RBM15: variants seen among roughly 807,000 people sequenced by gnomAD.
RBM15 encodes the protein RNA-binding protein 15.
Under a neutral mutation model 62.6 loss-of-function variants are expected in RBM15, and 8 were observed. That is an observed-to-expected ratio of 0.13 (90% CI 0.07 to 0.23). RBM15 has a LOEUF of 0.23. Ranked by LOEUF, RBM15 falls within the 10% of genes least tolerant of loss-of-function variation. The pLI is 1.00. For synonymous variants in RBM15, 606 were observed against 505.7 expected, an observed-to-expected ratio of 1.20 and a Z score of -2.66; for missense variants, 1,144 against 1,286.5, an observed-to-expected ratio of 0.89 and a Z score of 1.69.
intron 1 of RBM15, among the ~76,000 whole-genome samples, chr1:110,343,356 C>T (rs1660839446): frequency 6.6e-6 from 1 of 152,140 alleles, no homozygotes; most frequent in African/African-American, 2.4e-5. Context: ...AGTGACATTA[C>T]ATTATTGAAA....
In RBM15 at chr1:110,339,916, A is replaced by G; in HGVS notation, c.511A>G (p.Thr171Ala). ...PGGGDGAEYK[T>A]LKISELGSQL... Reference sequence around the variant, plus strand: ...CGGCGGGGACGGCGCGGAATACAAGACTCTGAAGATAAGCGAGTTGGGGTC... The same window carrying G: ...CGGCGGGGACGGCGCGGAATACAAGGCTCTGAAGATAAGCGAGTTGGGGTC... Residue 171 changes from threonine (T) to alanine (A), a missense_variant, in exon 1 of 3, where the codon ACT (threonine) becomes GCT (alanine). Thr to Ala is a moderately conservative substitution (Grantham distance 58, BLOSUM62 0). Around this residue, in one of 8 missense-constraint regions of RBM15, gnomAD observed 298 missense variants for 250.0 expected, o/e 1.19. Coordinates refer to ENST00000369784, the MANE Select transcript of RBM15 (RefSeq NM_022768.5). 3.7e-6 allele frequency: 6 copies of G among 1,613,258 alleles called. No homozygotes were observed. Among genetic ancestry groups the G allele is most frequent in the Non-Finnish European group, 5.1e-6 (6 of 1,179,358 alleles).
At chr1:110,342,549 A>AT (rs373407338) in intron 1 of RBM15, 7 of 376,396 alleles carry the variant, frequency 1.9e-5, no homozygotes, top group South Asian at 1.4e-4. Context: ...CTTATGAGTA[A>AT]TTTTTTTTCT....
At chr1:110,346,223 T>C in intron 2 of RBM15, 85 bp from the exon 3 acceptor site, 1 of 1,389,514 alleles carries the variant, frequency 7.2e-7, no homozygotes, top group Non-Finnish European at 1.0e-6. Context: ...GTTATGTTCA[T>C]CTATAATGGC....
intron 1 of RBM15, 199 bp downstream of exon 1, chr1:110,342,467 A>G: frequency 2.2e-6 from 1 of 454,168 alleles, no homozygotes; most frequent in East Asian, 3.4e-5. Context: ...TTTAGCTATT[A>G]TTTTAAGTGA....
intron 1 of RBM15, 47 bp from the exon 2 acceptor site, chr1:110,345,492 A>G (rs772815214): frequency 7.2e-7 from 1 of 1,385,966 alleles, no homozygotes; most frequent in South Asian, 1.2e-5. Flanking sequence ...TGTGAAAAAA[A>G]TTTTGGAGAG....
chr1:110,341,560 C>T lies in RBM15; in HGVS notation c.2155C>T (p.Arg719Cys), dbSNP rs144393499. The change falls in exon 1 of 3, where the codon CGT (arginine) becomes TGT (cysteine). Residue 719 changes from arginine (R) to cysteine (C), a missense_variant. Physicochemically the swap from Arg to Cys is radical, Grantham distance 180. Coordinates refer to ENST00000369784, the MANE Select transcript of RBM15 (RefSeq NM_022768.5). This position sits in a 1 kb window ranked among gnomAD's most constrained non-coding sequence, Gnocchi z 4.5. Reference sequence around the variant, plus strand: ...GAAGAGCCAGGGTGACAAGCGAGACCGTAAAAACTCTGCATCAGCTGAACG... The same window carrying T: ...GAAGAGCCAGGGTGACAAGCGAGACTGTAAAAACTCTGCATCAGCTGAACG... ...LEKSQGDKRD[R>C]KNSASAERDR... 9.3e-6 allele frequency: 15 copies of T among 1,613,910 alleles called. No homozygotes were observed. The highest frequency in any genetic ancestry group is 2.7e-5 in the African/African-American group (2 of 74,908).
chr1:110,343,718 T>C (rs1437009398), intron 1 of RBM15, among the ~76,000 whole-genome samples: 1 of 152,184 alleles, frequency 6.6e-6, no homozygotes, highest in Non-Finnish European at 1.5e-5. Context: ...TTAATTATGA[T>C]TAGAGACTTT....
In RBM15 at chr1:110,346,401, G is replaced by C. The variant is rs777767953; in HGVS notation, c.*134G>C. ...TGTGGCTTATGTGGAGTTTACATGG[G>C]CCTCTGATGGAAGAAAGCTAATCTG... On this transcript the variant is annotated 3_prime_UTR_variant, in exon 3 of 3. Coordinates refer to ENST00000369784, the MANE Select transcript of RBM15 (RefSeq NM_022768.5). The C allele has an allele frequency of 6.6e-7, 1 of 1,524,104 alleles. No individual in the cohort carries two copies. Among genetic ancestry groups the C allele is most frequent in the South Asian group, 1.1e-5 (1 of 88,950 alleles). The allele number at this position is 1,524,104 out of a possible 1,614,324, so 94.4% of individuals were successfully genotyped here.
Position 110,341,024 on chromosome 1 carries a change from C to T in RBM15, c.1619C>T (p.Pro540Leu). ...CGTTACCAGCAGCAGTATCTGCAGCCTCTGCCCTTGACTCATTATGAGCTG... is the reference window on the plus strand; with the variant it reads ...CGTTACCAGCAGCAGTATCTGCAGCTTCTGCCCTTGACTCATTATGAGCTG... ...EHRYQQQYLQ[P>L]LPLTHYELVT... Residue 540 changes from proline (P) to leucine (L), a missense_variant, in exon 1 of 3, where the codon CCT becomes CTT. By Grantham distance (98) the Pro-to-Leu change is moderately conservative. Around this residue, in one of 8 missense-constraint regions of RBM15, gnomAD observed 360 missense variants for 342.9 expected, o/e 1.05. Transcript: ENST00000369784. The surrounding 1 kb of genome is among the most constrained non-coding windows in gnomAD (Gnocchi z 4.5). 1 of 1,614,236 alleles carries T rather than the reference C, an allele frequency of 6.2e-7. No individual in the cohort carries two copies. Among genetic ancestry groups the T allele is most frequent in the Non-Finnish European group, 8.5e-7 (1 of 1,180,042 alleles).
chr1:110,340,038 C>A lies in RBM15; in HGVS notation c.633C>A (p.Gly211=). Residue 211 remains glycine, a synonymous_variant, in exon 1 of 3, where the codon GGC becomes GGA. Coordinates refer to ENST00000369784, the MANE Select transcript of RBM15 (RefSeq NM_022768.5). The surrounding 1 kb of genome is among the most constrained non-coding windows in gnomAD (Gnocchi z 5.8). The part of the protein sequence containing the change: ...SVKISHLSGS[G]SGDERVAFVN... ...AAATCAGTCATCTGTCGGGTTCTGG[C>A]AGCGGGGATGAGCGGGTAGCCTTTG... 1 of 1,614,086 alleles carries A rather than the reference C, an allele frequency of 6.2e-7. No homozygotes were observed.
Position 110,345,573 on chromosome 1 carries a change from C to G in RBM15, c.2898C>G (p.Asn966Lys). The change falls in exon 2 of 3, where the codon AAC becomes AAG. Residue 966 changes from asparagine to lysine, a missense_variant. Physicochemically the swap from Asn to Lys is moderately conservative, Grantham distance 94 (BLOSUM62 0). Around this residue, in one of 8 missense-constraint regions of RBM15, gnomAD observed 144 missense variants for 223.3 expected, o/e 0.64. Transcript: ENST00000369784. ...TTCAGATAGGAGTTAGGTATGAGAA[C>G]AAGAAGAGAGAAAACTTGGCGCTGA... ...FGFQIGVRYENKKRENLALTL... is the reference protein window; with the variant it reads ...FGFQIGVRYEKKKRENLALTL... 6 of 1,611,442 alleles carry G rather than the reference C, an allele frequency of 3.7e-6. No individual in the cohort carries two copies. Among genetic ancestry groups the G allele is most frequent in the Non-Finnish European group, 5.1e-6 (6 of 1,178,814 alleles).
In RBM15 at chr1:110,341,490, C is replaced by T. The variant is rs2101141831; in HGVS notation, c.2085C>T (p.Leu695=). ...ACAATGATCGATCTTCCCGTCTTCTCTTGGAAAGGCCCTCTCCAATCAGAG... is the reference window on the plus strand; with the variant it reads ...ACAATGATCGATCTTCCCGTCTTCTTTTGGAAAGGCCCTCTCCAATCAGAG... ...NSDNDRSSRL[L]LERPSPIRDR... is the part of the protein sequence containing the mutation. The change falls in exon 1 of 3, where the codon CTC becomes CTT. Residue 695 remains leucine, a synonymous_variant. Coordinates refer to ENST00000369784, the MANE Select transcript of RBM15 (RefSeq NM_022768.5). The surrounding 1 kb of genome is among the most constrained non-coding windows in gnomAD (Gnocchi z 4.5). The T allele has an allele frequency of 6.2e-7, 1 of 1,614,112 alleles. No individual in the cohort carries two copies. The highest frequency in any genetic ancestry group is 1.1e-5 in the South Asian group (1 of 91,086).
rs767492348 is a variant in RBM15 at position 110,339,681 on chromosome 1, T to G, written c.276T>G (p.Gly92=). ...GCAGCGGAAAGACCGATAGCGGCGG[T>G]GGGTCGCGGCGGAGTCTCCACCTGG... is the stretch of plus-strand genomic sequence containing the variant. The part of the protein sequence containing the change: ...GSSSGKTDSG[G]GSRRSLHLDK... Residue 92 remains glycine (G), a synonymous_variant, in exon 1 of 3, where the codon GGT becomes GGG. Coordinates refer to ENST00000369784, the MANE Select transcript of RBM15 (RefSeq NM_022768.5). The G allele has an allele frequency of 6.2e-6, 10 of 1,612,776 alleles. No homozygotes were observed. The highest frequency in any genetic ancestry group is 1.1e-5 in the South Asian group (1 of 91,060).
chr1:110,339,614 G>A lies in RBM15; in HGVS notation c.209G>A (p.Arg70Gln). The A allele has an allele frequency of 5.6e-6, 9 of 1,611,080 alleles. No individual in the cohort carries two copies. The highest frequency in any genetic ancestry group is 6.8e-6 in the Non-Finnish European group (8 of 1,178,006). ...GGEDSTSRGE[R>Q]SKKLGGSGGS... The stretch of plus-strand genomic sequence containing the variant: ...GAGGACTCGACTTCCCGCGGTGAGC[G>A]GAGCAAGAAGTTAGGGGGCTCTGGT... The change falls in exon 1 of 3, where the codon CGG (arginine) becomes CAG (glutamine). Residue 70 changes from arginine (R) to glutamine (Q), a missense_variant. Physicochemically the swap from Arg to Gln is conservative, Grantham distance 43. Transcript: ENST00000369784.
In RBM15 at chr1:110,342,276, C is replaced by A; in HGVS notation, c.2863+8C>A. 1.3e-6 allele frequency: 2 copies of A among 1,552,910 alleles called. No homozygotes were observed. Among genetic ancestry groups the A allele is most frequent in the South Asian group, 1.2e-5 (1 of 82,108 alleles). ...TCATGATCATTGTCCGTGGTGCGTC[C>A]TAAAGTCCATGTGTAACTTGTATTT... On this transcript the variant is annotated splice_region_variant and intron_variant, in intron 1 of 2. Transcript: ENST00000369784.
In RBM15 at chr1:110,345,550, C is replaced by T. The variant is rs200031526; in HGVS notation, c.2875C>T (p.Gln959Ter). ...TGTCTCTCTCACAGGGTTTGGTTTTCAGATAGGAGTTAGGTATGAGAACAA... is the reference window on the plus strand; with the variant it reads ...TGTCTCTCTCACAGGGTTTGGTTTTTAGATAGGAGTTAGGTATGAGAACAA... ...VMIIVRGFGF[Q>*]IGVRYENKKR... is the part of the protein sequence containing the mutation. The change falls in exon 2 of 3, where the codon CAG (glutamine) becomes TAG (stop). Residue 959 changes from glutamine to a stop codon, truncating the protein, a stop_gained. Transcript: ENST00000369784. LOFTEE classifies it high-confidence loss of function. The T allele has an allele frequency of 5.3e-5, 85 of 1,608,446 alleles. No homozygotes were observed. The highest frequency in any genetic ancestry group is 6.7e-5 in the Non-Finnish European group (79 of 1,177,170).
Position 110,346,397 on chromosome 1 carries a change from A to G in RBM15, c.*130A>G, listed in dbSNP as rs530637351. 3 of 1,550,920 alleles carry G rather than the reference A, an allele frequency of 1.9e-6. No individual in the cohort carries two copies. The highest frequency in any genetic ancestry group is 1.7e-5 in the Admixed American group (1 of 59,564). ...AAGTTGTGGCTTATGTGGAGTTTAC[A>G]TGGGCCTCTGATGGAAGAAAGCTAA... On this transcript the variant is annotated 3_prime_UTR_variant, in exon 3 of 3. Coordinates refer to ENST00000369784, the MANE Select transcript of RBM15 (RefSeq NM_022768.5).
At chr1:110,342,968 A>G (rs1018287637) in intron 1 of RBM15, among the ~76,000 whole-genome samples, 2 of 152,230 alleles carry the variant, frequency 1.3e-5, no homozygotes, top group African/African-American at 4.8e-5. Context: ...TACAAACCAT[A>G]TATGTCTTAT....
rs1298006669 is a variant in RBM15 at position 110,341,185 on chromosome 1, C to G, written c.1780C>G (p.Arg594Gly). The change falls in exon 1 of 3, where the codon CGA (arginine) becomes GGA (glycine). Residue 594 changes from arginine (R) to glycine (G), a missense_variant. Arg to Gly is a moderately radical substitution (Grantham distance 125, BLOSUM62 -2). Around this residue, in one of 8 missense-constraint regions of RBM15, gnomAD observed 360 missense variants for 342.9 expected, o/e 1.05. Coordinates refer to ENST00000369784, the MANE Select transcript of RBM15 (RefSeq NM_022768.5). The surrounding 1 kb of genome is among the most constrained non-coding windows in gnomAD (Gnocchi z 4.5). ...SDWVPPPPPV[R>G]ERSTRTAATS... ...TTGGGTGCCACCCCCACCCCCAGTCCGAGAACGCAGCACTCGGACTGCAGC... is the reference window on the plus strand; with the variant it reads ...TTGGGTGCCACCCCCACCCCCAGTCGGAGAACGCAGCACTCGGACTGCAGC... 2 of 1,614,086 alleles carry G rather than the reference C, an allele frequency of 1.2e-6. No homozygotes were observed. Among genetic ancestry groups the G allele is most frequent in the Non-Finnish European group, 8.5e-7 (1 of 1,179,988 alleles).
Sources: allele counts gnomAD v4.1 joint callset (sites outside exome capture counted in the v4.1 genomes callset), GRCh38; gene constraint gnomAD v4.1.1; regional missense constraint gnomAD v4.1.1; non-coding constraint Gnocchi (gnomAD v3.1); transcripts MANE v1.5; gene names NCBI Gene and HGNC (gene_info 2026-07-23, HGNC 2026-07-21).